The following NTM variants were observed in gnomAD, a reference collection of about 807,000 sequenced individuals.
The protein encoded by NTM is neurotrimin.
Under a neutral mutation model 42.1 loss-of-function variants are expected in NTM, and 13 were observed. The observed-to-expected ratio is 0.31, with a 90% CI of 0.20 to 0.49. The LOEUF (loss-of-function observed/expected upper bound fraction) is 0.49, where lower values mean the gene tolerates loss of function less well. Ranked by LOEUF, NTM falls within the 20% of genes least tolerant of loss-of-function variation. NTM has a pLI of 0.99. For synonymous variants in NTM, 187 were observed against 179.2 expected, an observed-to-expected ratio of 1.04 and a Z score of -0.35; for missense variants, 373 against 452.8, an observed-to-expected ratio of 0.82 and a Z score of 1.60.
At chr11:131,805,585 A>G (rs560745843) in intron 1 of NTM, among the ~76,000 whole-genome samples, 2 of 152,376 alleles carry the variant, frequency 1.3e-5, no homozygotes, top group East Asian at 1.9e-4. Context: ...TGCAGGGGCA[A>G]TAACACTAAT....
intron 1 of NTM, among the ~76,000 whole-genome samples, chr11:131,567,902 G>A (rs752929904): frequency 6.6e-6 from 1 of 152,146 alleles, no homozygotes; most frequent in Non-Finnish European, 1.5e-5. Flanking sequence ...TAGTGACAGA[G>A]GTGCAATCAT....
chr11:131,762,942 G>C (rs1424461743), intron 1 of NTM, among the ~76,000 whole-genome samples: 1 of 152,226 alleles, frequency 6.6e-6, no homozygotes, highest in African/African-American at 2.4e-5. Context: ...GCTGCCTGCT[G>C]CTGGCAGCCC....
chr11:132,100,166 A>G (rs2061464862), intron 2 of NTM, among the ~76,000 whole-genome samples: 1 of 152,250 alleles, frequency 6.6e-6, no homozygotes, highest in Admixed American at 6.5e-5. Flanking sequence ...ACATATTGAA[A>G]GAAGTTTTCC....
At chr11:132,246,493 C>A (rs1346691260) in intron 4 of NTM, among the ~76,000 whole-genome samples, 1 of 152,226 alleles carries the variant, frequency 6.6e-6, no homozygotes, top group African/African-American at 2.4e-5. Context: ...AGAACAAAAC[C>A]CTTTTATTCC....
At chr11:131,490,345 TCTA>T (rs1173886796) in intron 1 of NTM, among the ~76,000 whole-genome samples, 15 of 152,210 alleles carry the variant, frequency 9.9e-5, no homozygotes, top group Admixed American at 5.2e-4. Context: ...GCATGACACA[TCTA>T]ATAAAATTTC....
intron 1 of NTM, among the ~76,000 whole-genome samples, chr11:131,396,645 C>G (rs1469451702): frequency 6.6e-6 from 1 of 152,008 alleles, no homozygotes; most frequent in Non-Finnish European, 1.5e-5. Flanking sequence ...ACCAACCGGG[C>G]TAAGATGGTG....
At chr11:132,188,135 T>C (rs2078725093) in intron 3 of NTM, among the ~76,000 whole-genome samples, 1 of 152,066 alleles carries the variant, frequency 6.6e-6, no homozygotes, top group Non-Finnish European at 1.5e-5. Context: ...AGGGAAGAAA[T>C]TAGCATGAAG....
intron 1 of NTM, among the ~76,000 whole-genome samples, chr11:131,522,984 G>A (rs192987440): frequency 1.3e-5 from 2 of 152,326 alleles, no homozygotes. Context: ...GAGTTACTGG[G>A]TTAACTAGAG....
Position 131,665,773 on chromosome 11 carries a change from C to A in NTM, c.83-245791C>A, listed in dbSNP as rs143481349. On this transcript the variant is annotated intron_variant, in intron 1 of 8. Coordinates refer to ENST00000683400, the MANE Select transcript of NTM (RefSeq NM_001352005.2). ...ATGTCTGGGAACAAGCAGAACTGGC[C>A]GTGGGCCACGGAAAAGAGGCAGGCT... 3.3e-3 allele frequency among the ~76,000 whole-genome samples: 496 copies of A among 152,262 alleles called. 4 individuals are homozygous for A. Among genetic ancestry groups the A allele is most frequent in the African/African-American group, 0.011 (471 of 41,558 alleles).
intron 1 of NTM, among the ~76,000 whole-genome samples, chr11:131,409,338 C>A (rs145408268): frequency 6.6e-5 from 10 of 152,322 alleles, no homozygotes; most frequent in Admixed American, 5.9e-4. Context: ...TGAGAGCCCC[C>A]ATCTGGGCTA....
At chr11:131,658,506 C>G (rs947955427) in intron 1 of NTM, among the ~76,000 whole-genome samples, 1 of 152,184 alleles carries the variant, frequency 6.6e-6, no homozygotes, top group Non-Finnish European at 1.5e-5. Flanking sequence ...GCCCGTTTGT[C>G]CTCGCATTCT....
intron 1 of NTM, among the ~76,000 whole-genome samples, chr11:131,615,373 T>C (rs1191635891): frequency 6.6e-6 from 1 of 152,162 alleles, no homozygotes; most frequent in Non-Finnish European, 1.5e-5. Context: ...CTCTCTCATT[T>C]TTTTTTATTT....
At chr11:132,111,720 C>G (rs905326316) in intron 2 of NTM, among the ~76,000 whole-genome samples, 3 of 152,210 alleles carry the variant, frequency 2.0e-5, no homozygotes, top group African/African-American at 7.2e-5. Context: ...AAAATAAGTG[C>G]TAGGCTTCAG....
intron 1 of NTM, among the ~76,000 whole-genome samples, chr11:131,518,362 G>A (rs2049160341): frequency 6.6e-6 from 1 of 152,172 alleles, no homozygotes; most frequent in Non-Finnish European, 1.5e-5. Flanking sequence ...GAGGATGCAG[G>A]AAGTCCTCAT....
At chr11:131,581,842 C>T (rs2058440037) in intron 1 of NTM, among the ~76,000 whole-genome samples, 1 of 152,188 alleles carries the variant, frequency 6.6e-6, no homozygotes, top group Admixed American at 6.5e-5. Context: ...CTGACATCCA[C>T]ACTCTGCTGG....
At chr11:131,660,962 C>A in intron 1 of NTM, 1 of 1,303,614 alleles carries the variant, frequency 7.7e-7, no homozygotes, top group African/African-American at 1.5e-5. Flanking sequence ...ATCCCCAAGG[C>A]AAAGTTGGAT....
intron 1 of NTM, among the ~76,000 whole-genome samples, chr11:131,770,251 C>G (rs1335090305): frequency 6.6e-6 from 1 of 152,198 alleles, no homozygotes; most frequent in Admixed American, 6.5e-5. Flanking sequence ...CGCTGAGCAG[C>G]CCAGACCTTT....
At chr11:131,399,699 G>T (rs966222181) in intron 1 of NTM, among the ~76,000 whole-genome samples, 1 of 152,144 alleles carries the variant, frequency 6.6e-6, no homozygotes, top group Non-Finnish European at 1.5e-5. Context: ...TTCTCTTGTG[G>T]TCAGCTCTTG....
intron 1 of NTM, among the ~76,000 whole-genome samples, chr11:131,426,036 C>T (rs551458942): frequency 6.6e-6 from 1 of 152,220 alleles, no homozygotes; most frequent in East Asian, 1.9e-4. Flanking sequence ...GAGGTGGTGA[C>T]CAATGGCCAC....
Sources: allele counts gnomAD v4.1 joint callset (sites outside exome capture counted in the v4.1 genomes callset), GRCh38; gene constraint gnomAD v4.1.1; transcripts MANE v1.5; gene names NCBI Gene and HGNC (gene_info 2026-07-23, HGNC 2026-07-21).